TRDN: variants seen among roughly 807,000 people sequenced by gnomAD.
TRDN encodes the protein triadin in skeletal muscle.
A neutral mutation model predicts 149.7 loss-of-function variants in TRDN; 161 were observed. That is an observed-to-expected ratio of 1.08 (90% CI 0.95 to 1.23). TRDN has a LOEUF of 1.23. Among genes scored for constraint, TRDN ranks in the 50% most tolerant of loss-of-function variants. TRDN has a pLI of 0.00. For synonymous variants in TRDN, 294 were observed against 250.5 expected, an observed-to-expected ratio of 1.17 and a Z score of -1.64; for missense variants, 896 against 823.5, an observed-to-expected ratio of 1.09 and a Z score of -1.08.
At chr6:123,383,921 T>A (rs1397771806) in intron 14 of TRDN, among the ~76,000 whole-genome samples, 1 of 152,146 alleles carries the variant, frequency 6.6e-6, no homozygotes, top group African/African-American at 2.4e-5. Context: ...TGCTTAGTCA[T>A]CATTTGTTAA....
intron 19 of TRDN, among the ~76,000 whole-genome samples, chr6:123,366,752 A>C (rs1003997351): frequency 2.0e-5 from 3 of 152,098 alleles, no homozygotes; most frequent in Non-Finnish European, 2.9e-5. Flanking sequence ...TCCTGACCTC[A>C]GGTGATCCGC....
At chr6:123,451,614 T>C (rs1479033202) in intron 10 of TRDN, among the ~76,000 whole-genome samples, 1 of 151,832 alleles carries the variant, frequency 6.6e-6, no homozygotes, top group Non-Finnish European at 1.5e-5. Flanking sequence ...ATTTAAAAAT[T>C]ACCAACAAAA....
intron 14 of TRDN, among the ~76,000 whole-genome samples, chr6:123,385,199 G>A (rs998056109): frequency 2.0e-5 from 3 of 152,062 alleles, no homozygotes; most frequent in African/African-American, 7.2e-5. Context: ...AGGCTGAGGA[G>A]TGCGGATCAC....
At chr6:123,612,408 A>G (rs112314666) in intron 1 of TRDN, among the ~76,000 whole-genome samples, 4 of 151,862 alleles carry the variant, frequency 2.6e-5, no homozygotes, top group African/African-American at 9.7e-5. Context: ...TTAAAGTTTA[A>G]TAATAATAAA....
chr6:123,280,995 T>C (rs1174243043), intron 24 of TRDN, among the ~76,000 whole-genome samples: 6 of 151,992 alleles, frequency 3.9e-5, no homozygotes, highest in African/African-American at 9.7e-5. Context: ...AATTGAGAAA[T>C]TGAGCAAAAA....
intron 1 of TRDN, among the ~76,000 whole-genome samples, chr6:123,595,324 A>G (rs1174182250): frequency 1.3e-5 from 2 of 152,050 alleles, no homozygotes; most frequent in African/African-American, 4.8e-5. Flanking sequence ...ATTATTTTTT[A>G]TATGACACTT....
intron 16 of TRDN, among the ~76,000 whole-genome samples, 155 bp from the exon 17 acceptor site, chr6:123,378,053 T>G (rs1346850613): frequency 6.6e-6 from 1 of 152,136 alleles, no homozygotes; most frequent in Non-Finnish European, 1.5e-5. Context: ...GATTATATAC[T>G]TAAAATAATT....
Position 123,359,144 on chromosome 6 carries a change from G to C in TRDN, c.1322-6558C>G, listed in dbSNP as rs1318800201. On this transcript the variant is annotated intron_variant, in intron 20 of 40. Transcript: ENST00000334268. Reference sequence around the variant, plus strand: ...TAGTCTCCAGATACATATTATGGTGGAAAGTGGAAACAGAGGTTTCTCGTC... The same window carrying C: ...TAGTCTCCAGATACATATTATGGTGCAAAGTGGAAACAGAGGTTTCTCGTC... 2.0e-5 allele frequency among the ~76,000 whole-genome samples: 3 copies of C among 152,238 alleles called. No homozygotes were observed. The East Asian group carries it at 5.8e-4, about 29-fold the overall frequency.
intron 21 of TRDN, among the ~76,000 whole-genome samples, chr6:123,342,044 G>C (rs1461207244): frequency 2.0e-5 from 3 of 151,844 alleles, no homozygotes; most frequent in Non-Finnish European, 4.4e-5. Context: ...ATAATTACTA[G>C]GTTTTGAGGC....
chr6:123,359,149 T>C lies in TRDN; in HGVS notation c.1322-6563A>G, dbSNP rs76217055. 3.0e-3 allele frequency among the ~76,000 whole-genome samples: 461 copies of C among 152,288 alleles called. 12 individuals are homozygous for C. The East Asian group carries it at 0.073, about 24-fold the overall frequency. ...TCCAGATACATATTATGGTGGAAAGTGGAAACAGAGGTTTCTCGTCAATTC... is the reference window on the plus strand; with the variant it reads ...TCCAGATACATATTATGGTGGAAAGCGGAAACAGAGGTTTCTCGTCAATTC... On this transcript the variant is annotated intron_variant, in intron 20 of 40. Transcript: ENST00000334268.
At chr6:123,379,325 A>G (rs1000355872) in intron 16 of TRDN, among the ~76,000 whole-genome samples, 2 of 152,218 alleles carry the variant, frequency 1.3e-5, no homozygotes, top group African/African-American at 2.4e-5. Context: ...TTTAAGCAGC[A>G]AAACAAAAAA....
chr6:123,456,517 A>G (rs1352927368), intron 10 of TRDN, among the ~76,000 whole-genome samples: 2 of 151,768 alleles, frequency 1.3e-5, no homozygotes, highest in Non-Finnish European at 2.9e-5. Flanking sequence ...TACCCAGGCT[A>G]GAGTGCAGTC....
At chr6:123,466,020 T>C (rs961446357) in intron 9 of TRDN, among the ~76,000 whole-genome samples, 2 of 152,228 alleles carry the variant, frequency 1.3e-5, no homozygotes, top group African/African-American at 4.8e-5. Context: ...TGGAGCTCTG[T>C]TCATCATATA....
chr6:123,455,026 A>C (rs1776022728), intron 10 of TRDN, among the ~76,000 whole-genome samples: 1 of 152,074 alleles, frequency 6.6e-6, no homozygotes, highest in Non-Finnish European at 1.5e-5. Context: ...TCTGTGAAAA[A>C]CTTTCAAGCT....
In TRDN at chr6:123,218,335, C is replaced by A; in HGVS notation, c.*266G>T. 2.8e-6 allele frequency: 1 copy of A among 354,354 alleles called. No individual in the cohort carries two copies. The highest frequency in any genetic ancestry group is 5.2e-6 in the Non-Finnish European group (1 of 192,756). 22.0% of individuals were successfully genotyped at this position (354,354 alleles called of 1,614,324 possible). A position where few individuals can be genotyped will look rare whatever the true frequency, so the allele number is the denominator to read the frequency against. ...AACTTTAAATTAGTTTGTGTACAAC[C>A]TTATAGTGACTGGAAATAAGATAAA... On this transcript the variant is annotated 3_prime_UTR_variant, in exon 41 of 41. Transcript: ENST00000334268.
chr6:123,297,392 C>T (rs1302782840), intron 24 of TRDN, among the ~76,000 whole-genome samples: 1 of 151,780 alleles, frequency 6.6e-6, no homozygotes, highest in Non-Finnish European at 1.5e-5. Flanking sequence ...GCACCATGAT[C>T]GAGCATGAAA....
intron 2 of TRDN, among the ~76,000 whole-genome samples, chr6:123,570,116 G>C (rs544028161): frequency 2.7e-4 from 41 of 152,238 alleles, no homozygotes; most frequent in Admixed American, 2.2e-3. Flanking sequence ...TAGTGTCTGG[G>C]TCCTACTGAT....
intron 4 of TRDN, among the ~76,000 whole-genome samples, chr6:123,547,114 C>T (rs1366885969): frequency 6.6e-6 from 1 of 151,920 alleles, no homozygotes; most frequent in East Asian, 1.9e-4. Context: ...ATAAATGAAT[C>T]CATACAAATC....
intron 24 of TRDN, among the ~76,000 whole-genome samples, chr6:123,299,080 A>G (rs572585545): frequency 6.6e-6 from 1 of 152,120 alleles, no homozygotes; most frequent in Non-Finnish European, 1.5e-5. Context: ...TTTAATTGTT[A>G]AGATTTATTA....
Sources: allele counts gnomAD v4.1 joint callset (sites outside exome capture counted in the v4.1 genomes callset), GRCh38; gene constraint gnomAD v4.1.1; transcripts MANE v1.5; gene names NCBI Gene and HGNC (gene_info 2026-07-23, HGNC 2026-07-21).